The following TMEM120A variants were observed in gnomAD, a reference collection of about 807,000 sequenced individuals.
TMEM120A encodes the protein transmembrane protein 120A, also known as ion channel TACAN.
In TMEM120A, 45 loss-of-function variants were observed where a neutral mutation model predicts 54.3. The ratio of observed to expected loss-of-function variants is 0.83; its 90% CI spans 0.65 to 1.06. The LOEUF is 1.06. TMEM120A is among the 50% of genes least tolerant of loss of function. The pLI is 0.00. For synonymous variants in TMEM120A, 204 were observed against 178.5 expected, an observed-to-expected ratio of 1.14 and a Z score of -1.14; for missense variants, 424 against 441.7, an observed-to-expected ratio of 0.96 and a Z score of 0.36.
chr7:75,987,527 G>A lies in TMEM120A; in HGVS notation c.849+11C>T. On this transcript the variant is annotated intron_variant, in intron 10 of 11. Transcript: ENST00000493111. ...CAGACAGACAGGCAGGGACACAGAG[G>A]CACGACTTACGTGTCCAAAGAAAAG... 1 of 1,584,026 alleles carries A rather than the reference G, an allele frequency of 6.3e-7. No homozygotes were observed. Among genetic ancestry groups the A allele is most frequent in the Non-Finnish European group, 8.6e-7 (1 of 1,166,020 alleles).
Position 75,986,952 on chromosome 7 carries a change from T to G in TMEM120A, c.*220A>C. The stretch of plus-strand genomic sequence containing the variant: ...CCCATGTGGTGGGGCCACCCAGCCC[T>G]CCCCTCCCCCAGGAGAACACACACG... On this transcript the variant is annotated 3_prime_UTR_variant, in exon 12 of 12. Coordinates refer to ENST00000493111, the MANE Select transcript of TMEM120A (RefSeq NM_031925.3). 7 of 424,800 alleles carry G rather than the reference T, an allele frequency of 1.6e-5. No homozygotes were observed. The highest frequency in any genetic ancestry group is 1.3e-5 in the Non-Finnish European group (3 of 226,672). 26.3% of individuals were successfully genotyped at this position (424,800 alleles called of 1,614,324 possible). A position where few individuals can be genotyped will look rare whatever the true frequency, so the allele number is the denominator to read the frequency against.
Position 75,988,509 on chromosome 7 carries a change from A to G in TMEM120A, c.385T>C (p.Tyr129His). ...TLLSKQAKFAYKDEYEKFKLY... is the reference protein window; with the variant it reads ...TLLSKQAKFAHKDEYEKFKLY... ...TTGAACTTCTCATACTCGTCCTTGT[A>G]GGCAAACCTGGGGGGCGCAGGCCGG... Residue 129 changes from tyrosine to histidine, a missense_variant, in exon 5 of 12, where the codon TAC becomes CAC. Transcript: ENST00000493111. 1.2e-6 allele frequency: 2 copies of G among 1,605,052 alleles called. No homozygotes were observed. Among genetic ancestry groups the G allele is most frequent in the Non-Finnish European group, 1.7e-6 (2 of 1,178,052 alleles).
At chr7:75,991,922 G>A (rs1391225681) in intron 3 of TMEM120A, among the ~76,000 whole-genome samples, 9 of 151,670 alleles carry the variant, frequency 5.9e-5, no homozygotes, top group African/African-American at 2.0e-4. Context: ...ACTGGGTCAG[G>A]TGTCCCTCAC....
chr7:75,988,190 C>A, intron 6 of TMEM120A, 42 bp from the exon 7 acceptor site: 4 of 1,611,610 alleles, frequency 2.5e-6, no homozygotes, highest in Non-Finnish European at 3.4e-6. Flanking sequence ...CCTGTTCCTG[C>A]TTCCCGGAGG....
chr7:75,994,496 G>A lies in TMEM120A; in HGVS notation c.75C>T (p.Asn25=), dbSNP rs1554562742. 3.8e-6 allele frequency: 6 copies of A among 1,566,066 alleles called. No individual in the cohort carries two copies. Among genetic ancestry groups the A allele is most frequent in the Admixed American group, 1.9e-5 (1 of 53,262 alleles). Residue 25 remains asparagine (N), a synonymous_variant, in exon 1 of 12, where the codon AAC becomes AAT. Transcript: ENST00000493111. ...DWEDLQQDFQ[N]IQETHRLYRL... is the part of the protein sequence containing the mutation. ...CGTCCGCAGCGGCGCTAACCTGGAT[G>A]TTCTGGAAGTCCTGCTGTAGATCCT...
At position 75,988,060 on chromosome 7, in the gene TMEM120A, C is replaced by T. The variant is rs369288339; in HGVS notation, c.629+23G>A. On this transcript the variant is annotated intron_variant, in intron 7 of 11. Transcript: ENST00000493111. ...TCCCCTCCTTGTCCCAGCTCCTGCCCCTGCCGGGGCCCAGCCACTCACCAC... is the reference window on the plus strand; with the variant it reads ...TCCCCTCCTTGTCCCAGCTCCTGCCTCTGCCGGGGCCCAGCCACTCACCAC... 5 of 1,600,842 alleles carry T rather than the reference C, an allele frequency of 3.1e-6. No individual in the cohort carries two copies. The African/African-American group carries it at 4.0e-5, about 13-fold the overall frequency.
At position 75,987,701 on chromosome 7, in the gene TMEM120A, G is replaced by A; in HGVS notation, c.784+17C>T. Reference sequence around the variant, plus strand: ...GGAAAGGGGAATGTCCAGATGCCAGGGCCACTCCCGACTCACCCACAGTGA... The same window carrying A: ...GGAAAGGGGAATGTCCAGATGCCAGAGCCACTCCCGACTCACCCACAGTGA... On this transcript the variant is annotated intron_variant, in intron 9 of 11. Coordinates refer to ENST00000493111, the MANE Select transcript of TMEM120A (RefSeq NM_031925.3). The A allele has an allele frequency of 6.2e-7, 1 of 1,611,490 alleles. No individual in the cohort carries two copies. The highest frequency in any genetic ancestry group is 8.5e-7 in the Non-Finnish European group (1 of 1,179,432).
intron 4 of TMEM120A, 27 bp from the exon 5 acceptor site, chr7:75,988,543 G>C (rs571945617): frequency 6.4e-7 from 1 of 1,560,228 alleles, no homozygotes; most frequent in South Asian, 1.1e-5. Context: ...GGTGAGACGG[G>C]TGGGGTGCTG....
At chr7:75,994,233 G>C (rs1554562610) in intron 1 of TMEM120A, among the ~76,000 whole-genome samples, 2 of 152,194 alleles carry the variant, frequency 1.3e-5, no homozygotes, top group African/African-American at 4.8e-5. Context: ...GACGGGGTCG[G>C]GGTCTGGGCC....
In TMEM120A at chr7:75,992,446, G is replaced by C; in HGVS notation, c.193C>G (p.Leu65Val). The C allele has an allele frequency of 1.3e-6, 2 of 1,593,030 alleles. No individual in the cohort carries two copies. ...KKRLQELALA[L>V]KKCKPSLPAE... ...GGGGTAGGGGATCCTAACTTCTTCA[G>C]GGCGAGGGCCAGCTCCTGGAGCCGC... Residue 65 changes from leucine to valine, a missense_variant, in exon 2 of 12, where the codon CTG becomes GTG. By Grantham distance (32) the Leu-to-Val change is conservative (BLOSUM62 1). Coordinates refer to ENST00000493111, the MANE Select transcript of TMEM120A (RefSeq NM_031925.3).
In TMEM120A at chr7:75,987,610, G is replaced by T. The variant is rs782747262; in HGVS notation, c.785-8C>A. 5.0e-6 allele frequency: 8 copies of T among 1,608,152 alleles called. No homozygotes were observed. The South Asian group carries it at 7.8e-5, about 16-fold the overall frequency. On this transcript the variant is annotated splice_polypyrimidine_tract_variant and splice_region_variant and intron_variant, in intron 9 of 11. Transcript: ENST00000493111. ...TCCAGGACTGGAAGCCCTCTGCGGG[G>T]AGGAAGGTCAGGGCACAGGACGGCC...
chr7:75,987,076 A>AC lies in TMEM120A; in HGVS notation c.*95dup, dbSNP rs782671005. On this transcript the variant is annotated 3_prime_UTR_variant, in exon 12 of 12. Coordinates refer to ENST00000493111, the MANE Select transcript of TMEM120A (RefSeq NM_031925.3). ...TAAAACCCAAGGGAGAATAGAAGAG[A>AC]CCCCCTGATACACGCACACTCGAGG... is the stretch of plus-strand genomic sequence containing the variant. 1.7e-5 allele frequency: 17 copies of AC among 1,019,422 alleles called. No homozygotes were observed. The highest frequency in any genetic ancestry group is 8.1e-5 in the African/African-American group (5 of 61,624). The allele number at this position is 1,019,422 out of a possible 1,614,324, so 63.1% of individuals were successfully genotyped here.
intron 3 of TMEM120A, among the ~76,000 whole-genome samples, chr7:75,990,436 C>A (rs1789795576): frequency 6.6e-6 from 1 of 152,170 alleles, no homozygotes; most frequent in African/African-American, 2.4e-5. Flanking sequence ...CTGGGTCTTT[C>A]CCCTCTCGGC....
In TMEM120A at chr7:75,986,876, T is replaced by G; in HGVS notation, c.*296A>C. ...CTGTATTTGCCTGGTATTGTGTGAGTAGATCTGGGACCTCCACCTGCATCA... is the reference window on the plus strand; with the variant it reads ...CTGTATTTGCCTGGTATTGTGTGAGGAGATCTGGGACCTCCACCTGCATCA... On this transcript the variant is annotated 3_prime_UTR_variant, in exon 12 of 12. Transcript: ENST00000493111. The G allele has an allele frequency of 1.7e-6, 1 of 582,056 alleles. No homozygotes were observed. The highest frequency in any genetic ancestry group is 2.2e-5 in the South Asian group (1 of 44,490). 36.1% of individuals were successfully genotyped at this position (582,056 alleles called of 1,614,324 possible).
intron 3 of TMEM120A, 90 bp from the exon 4 acceptor site, chr7:75,989,314 C>T: frequency 2.4e-6 from 2 of 842,802 alleles, no homozygotes; most frequent in Admixed American, 4.0e-5. Context: ...GAGCCTGGGC[C>T]ACCACCCCAC....
intron 3 of TMEM120A, among the ~76,000 whole-genome samples, chr7:75,989,767 T>A (rs1554561473): frequency 6.6e-6 from 1 of 151,804 alleles, no homozygotes; most frequent in Non-Finnish European, 1.5e-5. Flanking sequence ...CGACCCCCCT[T>A]GTCCCTCACC....
intron 3 of TMEM120A, among the ~76,000 whole-genome samples, chr7:75,991,160 A>C (rs1789830089): frequency 6.6e-6 from 1 of 152,012 alleles, no homozygotes; most frequent in Non-Finnish European, 1.5e-5. Context: ...TTTGCTCAGC[A>C]GGGGGTTTTG....
At position 75,988,093 on chromosome 7, in the gene TMEM120A, TGACTCCC is replaced by T. The variant is rs1789616548; in HGVS notation, c.612_618del (p.Gly205CysfsTer2). ...GGCCCAGCCACTCACCACGTCAGCA[TGACTCCC>T]GACAGGAAGGTGGACACGTAGTGAT... is the stretch of plus-strand genomic sequence containing the variant. On this transcript the variant is annotated frameshift_variant, in exon 7 of 12. Coordinates refer to ENST00000493111, the MANE Select transcript of TMEM120A (RefSeq NM_031925.3). LOFTEE classifies it high-confidence loss of function. 6.2e-7 allele frequency: 1 copy of T among 1,608,140 alleles called. No individual in the cohort carries two copies. Among genetic ancestry groups the T allele is most frequent in the African/African-American group, 1.3e-5 (1 of 74,818 alleles).
intron 3 of TMEM120A, 89 bp from the exon 4 acceptor site, chr7:75,989,313 C>A (rs968167048): frequency 4.2e-5 from 35 of 840,672 alleles, no homozygotes; most frequent in Non-Finnish European, 6.6e-5. Flanking sequence ...AGAGCCTGGG[C>A]CACCACCCCA....
Sources: allele counts gnomAD v4.1 joint callset (sites outside exome capture counted in the v4.1 genomes callset), GRCh38; gene constraint gnomAD v4.1.1; transcripts MANE v1.5; gene names NCBI Gene and HGNC (gene_info 2026-07-23, HGNC 2026-07-21).